PROS1: variants seen among roughly 807,000 people sequenced by gnomAD.
PROS1 encodes vitamin K-dependent protein S.
PROS1 carries 29 observed loss-of-function variants against 75.9 expected under a neutral mutation model. The observed-to-expected ratio is 0.38, with a 90% confidence interval of 0.28 to 0.52. PROS1 has a LOEUF of 0.52. Ranked by LOEUF, PROS1 falls within the 20% of genes least tolerant of loss-of-function variation. The pLI is 0.83. For synonymous variants in PROS1, 245 were observed against 280.6 expected, an observed-to-expected ratio of 0.87 and a Z score of 1.27; for missense variants, 680 against 810.3, an observed-to-expected ratio of 0.84 and a Z score of 1.95.
At chr3:93,933,331 T>C (rs1458158001) in intron 1 of PROS1, among the ~76,000 whole-genome samples, 3 of 151,978 alleles carry the variant, frequency 2.0e-5, no homozygotes, top group Non-Finnish European at 4.4e-5. Context: ...TCCCAACACA[T>C]TGGGAGGCTG....
At chr3:93,944,962 C>T (rs1439074672) in intron 1 of PROS1, among the ~76,000 whole-genome samples, 1 of 151,644 alleles carries the variant, frequency 6.6e-6, no homozygotes, top group Non-Finnish European at 1.5e-5. Context: ...CAAATAGACG[C>T]AATAAAAAAT....
At chr3:93,917,352 T>G (rs375830099) in intron 3 of PROS1, among the ~76,000 whole-genome samples, 2 of 152,200 alleles carry the variant, frequency 1.3e-5, no homozygotes, top group East Asian at 1.9e-4. Context: ...CAGGCTGGAG[T>G]GCAGTGGCAC....
chr3:93,910,546 T>G, intron 4 of PROS1, 73 bp downstream of exon 4: 1 of 1,249,052 alleles, frequency 8.0e-7, no homozygotes, highest in Non-Finnish European at 1.2e-6. Flanking sequence ...AAACGTTAGT[T>G]TATATTACCA....
rs1258475343 is a variant in PROS1, at chr3:93,879,127, A to G, written c.1644+36T>C. 2.5e-6 allele frequency: 4 copies of G among 1,587,874 alleles called. No individual in the cohort carries two copies. In the Admixed American group the frequency reaches 6.9e-5, roughly 28 times the overall value. ...TGTATACATTTTAAAAAATGAAAAG[A>G]AAAACAAGGCTTATATAGGTTTAGA... On this transcript the variant is annotated intron_variant, in intron 13 of 14. Coordinates refer to ENST00000394236, the MANE Select transcript of PROS1 (RefSeq NM_000313.4).
At chr3:93,969,060 G>A (rs940732585) in intron 1 of PROS1, among the ~76,000 whole-genome samples, 1 of 150,886 alleles carries the variant, frequency 6.6e-6, no homozygotes, top group African/African-American at 2.4e-5. Context: ...GGAGAGAAAG[G>A]CAAGCCCTAA....
At chr3:93,913,328 T>C (rs1186531220) in intron 3 of PROS1, among the ~76,000 whole-genome samples, 3 of 152,216 alleles carry the variant, frequency 2.0e-5, no homozygotes, top group Non-Finnish European at 2.9e-5. Context: ...AATTGAATCA[T>C]GGGGGCAATT....
chr3:93,914,433 C>T (rs1192685464), intron 3 of PROS1, among the ~76,000 whole-genome samples: 1 of 152,162 alleles, frequency 6.6e-6, no homozygotes, highest in African/African-American at 2.4e-5. Context: ...TTGAGATGCA[C>T]CTAGGCCCAC....
chr3:93,893,198 AC>A (rs1389811905), intron 9 of PROS1, 76 bp from the exon 10 acceptor site: 1 of 1,283,584 alleles, frequency 7.8e-7, no homozygotes, highest in African/African-American at 1.5e-5. Context: ...TTTTTCTTGT[AC>A]TGACAAACAG....
chr3:93,911,382 G>T (rs1171774480), intron 3 of PROS1, among the ~76,000 whole-genome samples: 1 of 152,082 alleles, frequency 6.6e-6, no homozygotes, highest in African/African-American at 2.4e-5. Context: ...TTCTTAAGAG[G>T]CACTAAAGAC....
chr3:93,883,555 C>T (rs1011788242), intron 12 of PROS1, among the ~76,000 whole-genome samples: 2 of 151,432 alleles, frequency 1.3e-5, no homozygotes, highest in African/African-American at 4.9e-5. Flanking sequence ...GATTGTGGCA[C>T]TGAGCTCCAG....
At chr3:93,969,122 C>CTTTTTTTTTTTTT (rs773990991) in intron 1 of PROS1, among the ~76,000 whole-genome samples, 4 of 114,336 alleles carry the variant, frequency 3.5e-5, no homozygotes, top group Admixed American at 9.0e-5. Flanking sequence ...CTTTTGTTTT[C>CTTTTTTTTTTTTT]TTTTTTTTTT....
chr3:93,911,482 C>A (rs1276648880), intron 3 of PROS1, among the ~76,000 whole-genome samples: 2 of 152,150 alleles, frequency 1.3e-5, no homozygotes, highest in Non-Finnish European at 2.9e-5. Context: ...GAACAAACCA[C>A]CCCCAAAATT....
chr3:93,971,545 C>T (rs764556797), intron 1 of PROS1, among the ~76,000 whole-genome samples: 3 of 151,434 alleles, frequency 2.0e-5, no homozygotes, highest in Non-Finnish European at 2.9e-5. Context: ...GTAGGCAGGC[C>T]GCTTGAACCC....
chr3:93,949,595 C>T (rs1157574719), intron 1 of PROS1, among the ~76,000 whole-genome samples: 1 of 151,530 alleles, frequency 6.6e-6, no homozygotes, highest in African/African-American at 2.4e-5. Context: ...AGAAAATATA[C>T]AAATCTATAA....
At chr3:93,885,297 C>T (rs1324587631) in intron 11 of PROS1, among the ~76,000 whole-genome samples, 3 of 152,172 alleles carry the variant, frequency 2.0e-5, no homozygotes, top group African/African-American at 7.2e-5. Flanking sequence ...AGGATCTTGG[C>T]TCACTGCAAC....
At chr3:93,921,567 G>A (rs532963513) in intron 3 of PROS1, among the ~76,000 whole-genome samples, 37 of 152,228 alleles carry the variant, frequency 2.4e-4, no homozygotes, top group African/African-American at 7.2e-4. Flanking sequence ...TTTAATACTC[G>A]TTTGTATAAC....
rs767606472 is a variant in PROS1 at position 93,928,753 on chromosome 3, T to C, written c.77-1346A>G. The C allele has an allele frequency of 6.8e-5, 88 of 1,295,832 alleles. No individual in the cohort carries two copies. The highest frequency in any genetic ancestry group is 8.9e-5 in the Non-Finnish European group (87 of 982,778). 80.3% of individuals were successfully genotyped at this position (1,295,832 alleles called of 1,614,324 possible). A position where few individuals can be genotyped will look rare whatever the true frequency, so the allele number is the denominator to read the frequency against. ...CCAGATAAGCCGACCAATACAGAAATGCATGCACGGTTGTATATAAAATCA... is the reference window on the plus strand; with the variant it reads ...CCAGATAAGCCGACCAATACAGAAACGCATGCACGGTTGTATATAAAATCA... On this transcript the variant is annotated intron_variant, in intron 1 of 14. Coordinates refer to ENST00000394236, the MANE Select transcript of PROS1 (RefSeq NM_000313.4).
intron 1 of PROS1, among the ~76,000 whole-genome samples, chr3:93,954,711 C>T (rs1709569134): frequency 6.6e-6 from 1 of 152,060 alleles, no homozygotes; most frequent in African/African-American, 2.4e-5. Context: ...GCAACAAAAG[C>T]CAAAATTGAC....
intron 3 of PROS1, among the ~76,000 whole-genome samples, chr3:93,913,919 TAAG>T (rs1708799868): frequency 6.6e-6 from 1 of 152,114 alleles, no homozygotes; most frequent in South Asian, 2.1e-4. Context: ...GAAAAACAGG[TAAG>T]AACAGTAACT....
Sources: gnomAD v4.1 joint callset for allele counts (sites outside exome capture counted in the v4.1 genomes callset) on GRCh38, gnomAD v4.1.1 for gene constraint, MANE v1.5 for transcripts, NCBI Gene and HGNC (gene_info 2026-07-23, HGNC 2026-07-21) for gene names.